TRIP12: variants seen among roughly 807,000 people sequenced by gnomAD.
The protein encoded by TRIP12 is thyroid hormone receptor interactor 12, also known as E3 ubiquitin-protein ligase TRIP12.
Under a neutral mutation model 244.2 loss-of-function variants are expected in TRIP12, and 25 were observed. The observed-to-expected ratio is 0.10, with a 90% confidence interval of 0.07 to 0.14. The LOEUF (loss-of-function observed/expected upper bound fraction) is 0.14, where lower values mean the gene tolerates loss of function less well. Among genes scored for constraint, TRIP12 ranks in the 10% least tolerant of loss-of-function variants. TRIP12 has a pLI of 1.00. For synonymous variants in TRIP12, 905 were observed against 873.1 expected (o/e 1.04, Z -0.64); for missense variants, 1,677 against 2,486.4 (o/e 0.67, Z 6.92).
intron 33 of TRIP12, among the ~76,000 whole-genome samples, chr2:229,786,526 T>A (rs1013019648): frequency 6.7e-6 from 1 of 150,170 alleles, no homozygotes; most frequent in Non-Finnish European, 1.5e-5. Context: ...GCCTCCCAAG[T>A]AGCTGGGATT....
Position 229,859,090 on chromosome 2 carries a change from C to G in TRIP12, c.709G>C (p.Asp237His). 1 of 1,614,212 alleles carries G rather than the reference C, an allele frequency of 6.2e-7. No homozygotes were observed. The highest frequency in any genetic ancestry group is 8.5e-7 in the Non-Finnish European group (1 of 1,180,036). The change falls in exon 4 of 42, where the codon GAT becomes CAT. Residue 237 changes from aspartate to histidine, a missense_variant. Around this residue, in one of 11 missense-constraint regions of TRIP12, gnomAD observed 387 missense variants for 392.6 expected, o/e 0.99. Transcript: ENST00000675903. ...GAAGTAGAGGCAGCAGAAGAAGAAT[C>G]AGTGATGGTGCTACACCCAGCTTTG... ...SAKAGCSTITDSSSAASTSSS... is the reference protein window; with the variant it reads ...SAKAGCSTITHSSSAASTSSS...
At chr2:229,785,906 T>G (rs771523697) in intron 33 of TRIP12, 51 bp from the exon 34 acceptor site, 1 of 1,480,478 alleles carries the variant, frequency 6.8e-7, no homozygotes, top group Non-Finnish European at 9.1e-7. Context: ...CATATTACAC[T>G]TTAATAAACA....
At chr2:229,911,141 T>C (rs1422560324) in intron 1 of TRIP12, among the ~76,000 whole-genome samples, 2 of 152,208 alleles carry the variant, frequency 1.3e-5, no homozygotes, top group East Asian at 3.8e-4. Context: ...GCTACAGCAG[T>C]AAAACAGATA....
At chr2:229,879,363 T>G (rs959171976) in intron 2 of TRIP12, among the ~76,000 whole-genome samples, 2 of 152,192 alleles carry the variant, frequency 1.3e-5, no homozygotes, top group African/African-American at 4.8e-5. Flanking sequence ...TTACATGAAG[T>G]GACAGTCCTT....
chr2:229,824,855 GAAGAT>G (rs917800537), intron 8 of TRIP12, among the ~76,000 whole-genome samples: 3 of 152,134 alleles, frequency 2.0e-5, no homozygotes, highest in Non-Finnish European at 4.4e-5. Flanking sequence ...GAAAGCAAAA[GAAGAT>G]AAGATTTTTC....
At position 229,787,675 on chromosome 2, in the gene TRIP12, C is replaced by A; in HGVS notation, c.4839-14G>T. The A allele has an allele frequency of 2.5e-6, 4 of 1,573,590 alleles. No homozygotes were observed. Among genetic ancestry groups the A allele is most frequent in the Admixed American group, 1.8e-5 (1 of 54,674 alleles). On this transcript the variant is annotated splice_polypyrimidine_tract_variant and intron_variant, in intron 32 of 41. Coordinates refer to ENST00000675903, the MANE Select transcript of TRIP12 (RefSeq NM_001348323.3). ...AAGAAAAATGGGCTGTAAAAAGATG[C>A]AATGTAAGTTTATTATCTGGATGAG...
At chr2:229,815,244 A>G (rs1205416497) in intron 10 of TRIP12, 29 bp downstream of exon 10, 2 of 1,544,078 alleles carry the variant, frequency 1.3e-6, no homozygotes, top group Non-Finnish European at 1.8e-6. Flanking sequence ...TTAAATATAC[A>G]CCATTAAAAA....
intron 1 of TRIP12, among the ~76,000 whole-genome samples, chr2:229,901,536 C>A (rs2070829995): frequency 6.7e-6 from 1 of 150,086 alleles, no homozygotes; most frequent in African/African-American, 2.4e-5. Flanking sequence ...GGCAGGAGAA[C>A]TGCTTGAACC....
intron 1 of TRIP12, among the ~76,000 whole-genome samples, chr2:229,912,397 T>C (rs1414660640): frequency 1.3e-5 from 2 of 152,222 alleles, no homozygotes; most frequent in Admixed American, 6.5e-5. Flanking sequence ...TCATTCAACA[T>C]AATCTGTTAA....
intron 2 of TRIP12, among the ~76,000 whole-genome samples, chr2:229,867,171 G>GTTTTTTTTTTTTT (rs11335613): frequency 1.1e-4 from 14 of 123,536 alleles, no homozygotes; most frequent in Non-Finnish European, 2.3e-4. Flanking sequence ...TTGTTTGTTT[G>GTTTTTTTTTTTTT]TTTTTTTTTT....
chr2:229,881,935 CTGAT>C (rs909991122), intron 1 of TRIP12, among the ~76,000 whole-genome samples: 1 of 152,172 alleles, frequency 6.6e-6, no homozygotes, highest in African/African-American at 2.4e-5. Context: ...GTCATTGAGA[CTGAT>C]TGTCAATTTA....
At chr2:229,830,281 A>AT (rs967514788) in intron 7 of TRIP12, among the ~76,000 whole-genome samples, 5 of 152,160 alleles carry the variant, frequency 3.3e-5, no homozygotes, top group Non-Finnish European at 7.4e-5. Context: ...GCAGGTTGCA[A>AT]TTTTTTGAAT....
intron 3 of TRIP12, 65 bp from the exon 4 acceptor site, chr2:229,859,639 G>A: frequency 6.7e-7 from 1 of 1,491,924 alleles, no homozygotes; most frequent in Admixed American, 2.2e-5. Flanking sequence ...CATATATAAT[G>A]CTTTCAAAAA....
rs2042910349 is a variant in TRIP12 at position 229,796,768 on chromosome 2, A to G, written c.3639T>C (p.Ala1213=). 2 of 1,583,796 alleles carry G rather than the reference A, an allele frequency of 1.3e-6. No individual in the cohort carries two copies. The highest frequency in any genetic ancestry group is 1.4e-5 in the African/African-American group (1 of 73,328). The part of the protein sequence containing the change: ...EQLNLQVDGG[A]ECLVEIRSIV... ...TGCTACGGATTTCTACAAGGCACTC[A>G]GCTCCACCATCCACCTGAAAGAGTT... Residue 1213 remains alanine (A), a synonymous_variant, in exon 25 of 42, where the codon GCT becomes GCC. Coordinates refer to ENST00000675903, the MANE Select transcript of TRIP12 (RefSeq NM_001348323.3).
intron 2 of TRIP12, among the ~76,000 whole-genome samples, chr2:229,861,681 A>G (rs921850676): frequency 2.0e-5 from 3 of 152,194 alleles, no homozygotes; most frequent in Non-Finnish European, 4.4e-5. Context: ...GTTCCAAAAG[A>G]GGACCTAAGG....
At position 229,791,187 on chromosome 2, in the gene TRIP12, C is replaced by T; in HGVS notation, c.4480G>A (p.Ala1494Thr). 6.2e-7 allele frequency: 1 copy of T among 1,614,088 alleles called. No individual in the cohort carries two copies. The highest frequency in any genetic ancestry group is 8.5e-7 in the Non-Finnish European group (1 of 1,179,974). The part of the protein sequence containing the change: ...KDCVGGKRGR[A>T]QTAPTKTSPR... ...GAAGTTTTCGTTGGAGCTGTTTGGG[C>T]TCTTCCTCTTTTACCACCAACACAA... Residue 1494 changes from alanine to threonine, a missense_variant, in exon 30 of 42, where the codon GCC (alanine) becomes ACC (threonine). Ala to Thr is a moderately conservative substitution (Grantham distance 58, BLOSUM62 0). Coordinates refer to ENST00000675903, the MANE Select transcript of TRIP12 (RefSeq NM_001348323.3).
At chr2:229,912,608 A>C (rs980797220) in intron 1 of TRIP12, among the ~76,000 whole-genome samples, 12 of 152,112 alleles carry the variant, frequency 7.9e-5, no homozygotes, top group African/African-American at 2.9e-4. Flanking sequence ...CTCTCTTCAT[A>C]GTCTTCCTAA....
At chr2:229,851,744 T>C (rs374144384) in intron 4 of TRIP12, among the ~76,000 whole-genome samples, 1 of 151,430 alleles carries the variant, frequency 6.6e-6, no homozygotes, top group Non-Finnish European at 1.5e-5. Flanking sequence ...CCTTAAGAAC[T>C]GTAACACTCA....
chr2:229,786,147 TATC>T (rs2039929982), intron 33 of TRIP12, among the ~76,000 whole-genome samples: 1 of 152,130 alleles, frequency 6.6e-6, no homozygotes, highest in East Asian at 1.9e-4. Flanking sequence ...CTTTGCCAAA[TATC>T]AGTGCAATTC....
Sources: allele counts gnomAD v4.1 joint callset (sites outside exome capture counted in the v4.1 genomes callset), GRCh38; gene constraint gnomAD v4.1.1; regional missense constraint gnomAD v4.1.1; transcripts MANE v1.5; gene names NCBI Gene and HGNC (gene_info 2026-07-23, HGNC 2026-07-21).